PKHD1L1: variants seen among roughly 807,000 people sequenced by gnomAD.
PKHD1L1 encodes fibrocystin-L.
A neutral mutation model predicts 462.9 loss-of-function variants in PKHD1L1; 434 were observed. The observed-to-expected ratio is 0.94, with a 90% CI of 0.87 to 1.02. The LOEUF (loss-of-function observed/expected upper bound fraction) is 1.02, where lower values mean the gene tolerates loss of function less well. Among genes scored for constraint, PKHD1L1 ranks in the 50% least tolerant of loss-of-function variants. PKHD1L1 has a pLI of 0.00. For synonymous variants in PKHD1L1, 1,781 were observed against 1,750.0 expected, an observed-to-expected ratio of 1.02 and a Z score of -0.44; for missense variants, 5,202 against 5,096.1, an observed-to-expected ratio of 1.02 and a Z score of -0.63.
At chr8:109,474,740 G>T (rs905145621) in intron 50 of PKHD1L1, among the ~76,000 whole-genome samples, 1 of 151,958 alleles carries the variant, frequency 6.6e-6, no homozygotes, top group African/African-American at 2.4e-5. Context: ...TTAGATCAAT[G>T]ACCTTTAAAT....
chr8:109,429,193 TA>T (rs1814942676), intron 25 of PKHD1L1, 146 bp from the exon 26 acceptor site: 6 of 717,312 alleles, frequency 8.4e-6, no homozygotes, highest in East Asian at 6.5e-5. Context: ...TCCTTTTATT[TA>T]AAAAAAGTGA....
intron 50 of PKHD1L1, 55 bp downstream of exon 50, chr8:109,466,824 T>C: frequency 6.8e-7 from 1 of 1,463,798 alleles, no homozygotes; most frequent in Non-Finnish European, 9.2e-7. Flanking sequence ...TCCTAAACTT[T>C]TGTCATCATC....
chr8:109,505,317 G>T (rs1319784351), intron 68 of PKHD1L1, among the ~76,000 whole-genome samples: 2 of 151,996 alleles, frequency 1.3e-5, no homozygotes, highest in Non-Finnish European at 2.9e-5. Flanking sequence ...CCCCAAATGT[G>T]CTTGGAAATT....
Position 109,430,054 on chromosome 8 carries a change from T to C in PKHD1L1, c.3229+17T>C, listed in dbSNP as rs1440133404. The C allele has an allele frequency of 6.6e-7, 1 of 1,505,416 alleles. No homozygotes were observed. Among genetic ancestry groups the C allele is most frequent in the Non-Finnish European group, 9.2e-7 (1 of 1,090,226 alleles). 93.3% of individuals were successfully genotyped at this position (1,505,416 alleles called of 1,614,324 possible). A position where few individuals can be genotyped will look rare whatever the true frequency, so the allele number is the denominator to read the frequency against. ...CTTCTCAAGGTAACTTCCTGATTTT[T>C]AACCTATACTGGGTGTGAAAGATAA... On this transcript the variant is annotated intron_variant, in intron 27 of 77. Transcript: ENST00000378402.
In PKHD1L1 at chr8:109,419,274, T is replaced by C. The variant is rs751198080; in HGVS notation, c.2524+14T>C. On this transcript the variant is annotated intron_variant, in intron 22 of 77. Coordinates refer to ENST00000378402, the MANE Select transcript of PKHD1L1 (RefSeq NM_177531.6). Reference sequence around the variant, plus strand: ...CAACATTGGATGGTATGTTGTATCATTTTATCTCTGCTTTAATCTAAATAT... The same window carrying C: ...CAACATTGGATGGTATGTTGTATCACTTTATCTCTGCTTTAATCTAAATAT... 1.9e-6 allele frequency: 3 copies of C among 1,559,792 alleles called. No individual in the cohort carries two copies. Among genetic ancestry groups the C allele is most frequent in the Non-Finnish European group, 2.6e-6 (3 of 1,147,602 alleles).
intron 1 of PKHD1L1, among the ~76,000 whole-genome samples, chr8:109,363,528 C>A (rs1269172113): frequency 6.6e-6 from 1 of 152,118 alleles, no homozygotes; most frequent in Non-Finnish European, 1.5e-5. Flanking sequence ...ATTTCTGTGG[C>A]CTTTCTTTGT....
At chr8:109,398,583 A>T (rs1586429780) in intron 12 of PKHD1L1, 35 bp downstream of exon 12, 1 of 1,022,320 alleles carries the variant, frequency 9.8e-7, no homozygotes, top group Non-Finnish European at 1.4e-6. Flanking sequence ...CCATTTCTAT[A>T]TTCACATAAA....
chr8:109,523,934 C>T (rs1006115235), intron 76 of PKHD1L1, among the ~76,000 whole-genome samples: 1 of 152,154 alleles, frequency 6.6e-6, no homozygotes, highest in South Asian at 2.1e-4. Flanking sequence ...AAAGTGTGCA[C>T]AATTAATCTG....
In PKHD1L1 at chr8:109,534,884, C is replaced by A. The variant is rs73700632; in HGVS notation, c.*4794C>A. Among the ~76,000 whole-genome samples, 116 of 147,410 alleles carry A rather than the reference C, an allele frequency of 7.9e-4. No individual in the cohort carries two copies. Among genetic ancestry groups the A allele is most frequent in the African/African-American group, 2.8e-3 (113 of 39,914 alleles). On this transcript the variant is annotated 3_prime_UTR_variant, in exon 78 of 78. Transcript: ENST00000378402. ...GAAACTGTTCTAAGAACGCCATTCA[C>A]CCATGAATGTGACTTTATTAGAGGT...
rs1357429629 is a variant in PKHD1L1 at position 109,408,161 on chromosome 8, T to C, written c.1926T>C (p.Asp642=). Residue 642 remains aspartate, a synonymous_variant, in exon 18 of 78, where the codon GAT becomes GAC. Transcript: ENST00000378402. ...PNLETFTLNW[D]GIASKPLTLW... Reference sequence around the variant, plus strand: ...TGGAGACATTCACACTGAATTGGGATGGGATCGCTTCTAAGCCACTCACTC... The same window carrying C: ...TGGAGACATTCACACTGAATTGGGACGGGATCGCTTCTAAGCCACTCACTC... 6.2e-7 allele frequency: 1 copy of C among 1,613,122 alleles called. No homozygotes were observed. Among genetic ancestry groups the C allele is most frequent in the Middle Eastern group, 1.7e-4 (1 of 6,052 alleles).
chr8:109,437,030 C>T (rs1815459258), intron 30 of PKHD1L1, among the ~76,000 whole-genome samples: 1 of 152,216 alleles, frequency 6.6e-6, no homozygotes. Flanking sequence ...ATTCTCCTGC[C>T]TCAGCCTCCC....
rs1309923503 is a variant in PKHD1L1 at position 109,464,688 on chromosome 8, A to G, written c.7856A>G (p.Gln2619Arg). 5 of 1,613,504 alleles carry G rather than the reference A, an allele frequency of 3.1e-6. No individual in the cohort carries two copies. In the Admixed American group the frequency reaches 5.0e-5, roughly 16 times the overall value. ...GEFFNNTVHS[Q>R]GWFGMWIFEE... ...TTTTTTAACAATACTGTCCATTCTC[A>G]AGGTTGGTTTGGAATGTGGATCTTT... Residue 2619 changes from glutamine to arginine, a missense_variant, in exon 49 of 78, where the codon CAA becomes CGA. This residue lies in a region of PKHD1L1 where 4,497 missense variants were observed against 4,336.8 expected (regional missense o/e 1.04). Coordinates refer to ENST00000378402, the MANE Select transcript of PKHD1L1 (RefSeq NM_177531.6).
chr8:109,430,730 C>T (rs1815051920), intron 27 of PKHD1L1, among the ~76,000 whole-genome samples: 1 of 151,108 alleles, frequency 6.6e-6, no homozygotes, highest in African/African-American at 2.4e-5. Context: ...GGAAAATTCG[C>T]CAACTAATTT....
At chr8:109,365,841 G>A (rs1001276849) in intron 2 of PKHD1L1, among the ~76,000 whole-genome samples, 2 of 152,122 alleles carry the variant, frequency 1.3e-5, no homozygotes, top group African/African-American at 4.8e-5. Flanking sequence ...GGGCATGGTG[G>A]CGCGCGCCTG....
At chr8:109,498,924 A>G (rs774958645) in intron 67 of PKHD1L1, 153 bp downstream of exon 67, 1 of 678,430 alleles carries the variant, frequency 1.5e-6, no homozygotes, top group Non-Finnish European at 2.4e-6. Flanking sequence ...CATCAGAGTC[A>G]ATTTTGAGAA....
At position 109,412,156 on chromosome 8, in the gene PKHD1L1, A is replaced by G. The variant is rs1813889003; in HGVS notation, c.2086-109A>G. 4 of 1,032,792 alleles carry G rather than the reference A, an allele frequency of 3.9e-6. No individual in the cohort carries two copies. In the Admixed American group the frequency reaches 8.1e-5, roughly 21 times the overall value. 64.0% of individuals were successfully genotyped at this position (1,032,792 alleles called of 1,614,324 possible). A position where few individuals can be genotyped will look rare whatever the true frequency, so the allele number is the denominator to read the frequency against. On this transcript the variant is annotated intron_variant, in intron 19 of 77. Transcript: ENST00000378402. ...GAAAACATCTAAAGTTAAAGTAATC[A>G]GGGAAACAATGGGATCTGGGTTGAA... is the stretch of plus-strand genomic sequence containing the variant.
At chr8:109,475,863 A>AT (rs59980791) in intron 51 of PKHD1L1, among the ~76,000 whole-genome samples, 1 of 150,440 alleles carries the variant, frequency 6.6e-6, no homozygotes, top group Non-Finnish European at 1.5e-5. Context: ...AAAAAAAAAA[A>AT]GCCACTACCT....
chr8:109,378,316 T>A (rs986207103), intron 2 of PKHD1L1, among the ~76,000 whole-genome samples: 1 of 152,198 alleles, frequency 6.6e-6, no homozygotes, highest in African/African-American at 2.4e-5. Flanking sequence ...GTGAGTCACA[T>A]GATGTCACTC....
At chr8:109,395,905 A>G (rs1278935882) in intron 10 of PKHD1L1, 122 bp from the exon 11 acceptor site, 3 of 618,016 alleles carry the variant, frequency 4.9e-6, no homozygotes, top group African/African-American at 1.8e-5. Flanking sequence ...TAATTCATGC[A>G]GTTGGTAATC....
Sources: allele counts gnomAD v4.1 joint callset (sites outside exome capture counted in the v4.1 genomes callset), GRCh38; gene constraint gnomAD v4.1.1; regional missense constraint gnomAD v4.1.1; transcripts MANE v1.5; gene names NCBI Gene and HGNC (gene_info 2026-07-23, HGNC 2026-07-21).